LPP: variants seen among roughly 807,000 people sequenced by gnomAD.
LPP encodes the protein LIM domain containing preferred translocation partner in lipoma, also known as lipoma-preferred partner.
A neutral mutation model predicts 60.4 loss-of-function variants in LPP; 38 were observed. The ratio of observed to expected loss-of-function variants is 0.63; its 90% CI spans 0.49 to 0.83. The LOEUF (loss-of-function observed/expected upper bound fraction) is 0.83. LPP is among the 40% of genes least tolerant of loss of function. LPP has a pLI of 0.00. For synonymous variants in LPP, 328 were observed against 290.8 expected (o/e 1.13, Z -1.30); for missense variants, 902 against 783.6 (o/e 1.15, Z -1.80).
chr3:188,563,958 A>G (rs763544656), intron 6 of LPP, among the ~76,000 whole-genome samples: 8 of 151,868 alleles, frequency 5.3e-5, no homozygotes, highest in South Asian at 4.2e-4. Context: ...GGCACTCACC[A>G]TGGAAGAAGA....
intron 9 of LPP, among the ~76,000 whole-genome samples, chr3:188,814,058 T>G (rs1751820042): frequency 6.6e-6 from 1 of 152,012 alleles, no homozygotes; most frequent in Non-Finnish European, 1.5e-5. Flanking sequence ...GGCAACAAAG[T>G]GAGACTCTAT....
rs1767303947 is a variant in LPP, at chr3:188,355,378, C to T, written c.-10+13659C>T. On this transcript the variant is annotated intron_variant, in intron 3 of 11. Transcript: ENST00000617246. ...ACTCAGGTGTAGTAAGGTAAAACGC[C>T]CTGGTAAAATCACTTACTGGGACTT... 2.0e-5 allele frequency among the ~76,000 whole-genome samples: 3 copies of T among 151,998 alleles called. No homozygotes were observed. In the South Asian group the frequency reaches 6.2e-4, roughly 32 times the overall value.
chr3:188,230,919 A>G (rs1719706644), intron 2 of LPP, among the ~76,000 whole-genome samples: 1 of 152,160 alleles, frequency 6.6e-6, no homozygotes, highest in African/African-American at 2.4e-5. Flanking sequence ...GGAAGGCTGA[A>G]CTCCGGGGAA....
intron 3 of LPP, among the ~76,000 whole-genome samples, chr3:188,379,391 T>G (rs1316850179): frequency 6.6e-6 from 1 of 152,196 alleles, no homozygotes; most frequent in Non-Finnish European, 1.5e-5. Flanking sequence ...TTAATAGCTT[T>G]ATTGAGACAT....
intron 6 of LPP, among the ~76,000 whole-genome samples, chr3:188,587,951 A>ATTT (rs1331121337): frequency 6.6e-6 from 1 of 152,230 alleles, no homozygotes; most frequent in Non-Finnish European, 1.5e-5. Context: ...TTCTTAATGA[A>ATTT]TGGAAAGTCA....
intron 7 of LPP, among the ~76,000 whole-genome samples, chr3:188,681,074 G>A (rs963494240): frequency 8.2e-5 from 12 of 146,106 alleles, no homozygotes; most frequent in African/African-American, 2.8e-4. Flanking sequence ...TCTGCTTACT[G>A]CAATCACCGC....
At chr3:188,379,470 T>C (rs1268445298) in intron 3 of LPP, among the ~76,000 whole-genome samples, 1 of 152,092 alleles carries the variant, frequency 6.6e-6, no homozygotes, top group Non-Finnish European at 1.5e-5. Flanking sequence ...TACACAGCCG[T>C]CACCAAGATC....
intron 5 of LPP, among the ~76,000 whole-genome samples, chr3:188,509,345 TTCA>T (rs1814518962): frequency 6.6e-6 from 1 of 152,196 alleles, no homozygotes; most frequent in Non-Finnish European, 1.5e-5. Flanking sequence ...GCTCCCTTAT[TTCA>T]TAAGAAGACA....
intron 9 of LPP, among the ~76,000 whole-genome samples, chr3:188,832,200 A>G (rs1256118119): frequency 6.6e-6 from 1 of 152,162 alleles, no homozygotes; most frequent in African/African-American, 2.4e-5. Flanking sequence ...ACATGTTGTG[A>G]TATACGAGTC....
At chr3:188,664,596 T>C (rs1576915147) in intron 7 of LPP, among the ~76,000 whole-genome samples, 2 of 151,936 alleles carry the variant, frequency 1.3e-5, no homozygotes, top group South Asian at 4.1e-4. Flanking sequence ...GATGGATATA[T>C]GTGTATGTGT....
At chr3:188,637,567 A>G (rs1210551115) in intron 7 of LPP, among the ~76,000 whole-genome samples, 1 of 151,282 alleles carries the variant, frequency 6.6e-6, no homozygotes, top group Non-Finnish European at 1.5e-5. Context: ...AAATTAATGA[A>G]TCCAGGAGCT....
chr3:188,340,043 T>C (rs1762630546), intron 2 of LPP, among the ~76,000 whole-genome samples: 1 of 152,218 alleles, frequency 6.6e-6, no homozygotes, highest in South Asian at 2.1e-4. Context: ...CAATTGAATT[T>C]TCTGTGCTAT....
chr3:188,233,685 TC>T (rs34192540), intron 2 of LPP, among the ~76,000 whole-genome samples: 1 of 152,146 alleles, frequency 6.6e-6, no homozygotes, highest in South Asian at 2.1e-4. Flanking sequence ...CAAGGCTTTT[TC>T]CCCCCATTGA....
At chr3:188,783,388 G>A (rs1740465009) in intron 9 of LPP, among the ~76,000 whole-genome samples, 2 of 152,168 alleles carry the variant, frequency 1.3e-5, no homozygotes, top group East Asian at 1.9e-4. Flanking sequence ...AAAAGAATGA[G>A]ATCATGTATT....
At chr3:188,441,569 A>C (rs896396646) in intron 4 of LPP, among the ~76,000 whole-genome samples, 3 of 136,878 alleles carry the variant, frequency 2.2e-5, no homozygotes, top group African/African-American at 8.5e-5. Flanking sequence ...AAAGTTTTCC[A>C]TTGCAATACT....
intron 8 of LPP, among the ~76,000 whole-genome samples, chr3:188,725,734 C>T (rs1445497650): frequency 6.6e-6 from 1 of 152,104 alleles, no homozygotes; most frequent in Non-Finnish European, 1.5e-5. Flanking sequence ...GAAGTGCTTA[C>T]AAATAGCTCA....
chr3:188,580,737 C>T (rs1467876431), intron 6 of LPP, among the ~76,000 whole-genome samples: 1 of 152,002 alleles, frequency 6.6e-6, no homozygotes, highest in East Asian at 1.9e-4. Context: ...GAAAATAGTG[C>T]CAGAAAAACA....
intron 2 of LPP, among the ~76,000 whole-genome samples, chr3:188,326,281 C>A (rs551985094): frequency 1.9e-4 from 29 of 152,272 alleles, no homozygotes; most frequent in African/African-American, 6.5e-4. Flanking sequence ...CCAGCAGTAA[C>A]CATGGTGAGT....
rs1282723984 is a variant in LPP, at chr3:188,886,929, A to T, written c.*12450A>T. Reference sequence around the variant, plus strand: ...TTGTGTGGATCCATTTATCTCTTAAAATATGCCAAAGCAATTTGAGGTGGG... The same window carrying T: ...TTGTGTGGATCCATTTATCTCTTAATATATGCCAAAGCAATTTGAGGTGGG... On this transcript the variant is annotated 3_prime_UTR_variant, in exon 12 of 12. Coordinates refer to ENST00000617246, the MANE Select transcript of LPP (RefSeq NM_001375462.1). 2 of 230,978 alleles carry T rather than the reference A, an allele frequency of 8.7e-6. No individual in the cohort carries two copies. Among genetic ancestry groups the T allele is most frequent in the Non-Finnish European group, 1.7e-5 (2 of 116,736 alleles). 14.3% of individuals were successfully genotyped at this position (230,978 alleles called of 1,614,324 possible).
Sources: allele counts gnomAD v4.1 joint callset (sites outside exome capture counted in the v4.1 genomes callset), GRCh38; gene constraint gnomAD v4.1.1; transcripts MANE v1.5; gene names NCBI Gene and HGNC (gene_info 2026-07-23, HGNC 2026-07-21).